The following GNA12 variants were observed in gnomAD, a reference collection of about 807,000 sequenced individuals.
GNA12 encodes the protein guanine nucleotide-binding protein subunit alpha-12.
A neutral mutation model predicts 26.0 loss-of-function variants in GNA12; 9 were observed. The observed-to-expected ratio is 0.35, with a 90% CI of 0.21 to 0.60. The LOEUF (loss-of-function observed/expected upper bound fraction) is 0.60, where lower values mean the gene tolerates loss of function less well. Ranked by LOEUF, GNA12 falls within the 20% of genes least tolerant of loss-of-function variation. The pLI, the probability that GNA12 is intolerant of heterozygous loss-of-function variation, is 0.78. For missense variants in GNA12, 405 were observed against 525.8 expected, an observed-to-expected ratio of 0.77 and a Z score of 2.25; for synonymous variants, 264 against 219.6, an observed-to-expected ratio of 1.20 and a Z score of -1.79.
At position 2,794,918 on chromosome 7, in the gene GNA12, A is replaced by G. The variant is rs749133463; in HGVS notation, c.525+10T>C. On this transcript the variant is annotated intron_variant, in intron 2 of 3. Coordinates refer to ENST00000275364, the MANE Select transcript of GNA12 (RefSeq NM_007353.3). ...TATCAGGTGCCCAGCAAGAAGGCCT[A>G]CTCACTCACCAGCTGAAACTCGCTT... 3.8e-6 allele frequency: 6 copies of G among 1,593,978 alleles called. No individual in the cohort carries two copies. The highest frequency in any genetic ancestry group is 1.3e-5 in the African/African-American group (1 of 74,442).
intron 2 of GNA12, among the ~76,000 whole-genome samples, chr7:2,767,082 G>T (rs1791825395): frequency 6.6e-6 from 1 of 152,144 alleles, no homozygotes; most frequent in Non-Finnish European, 1.5e-5. Context: ...TTTTAATTGG[G>T]TTATTTAACT....
chr7:2,731,339 A>G lies in GNA12; in HGVS notation c.988T>C (p.Tyr330His), dbSNP rs45583847. The part of the protein sequence containing the change: ...DPHRLEDVQR[Y>H]LVQCFDRKRR... Reference sequence around the variant, plus strand: ...TTCCTGTCGAAGCACTGGACCAGGTAGCGCTGGACGTCCTCCAGCCTGTGC... The same window carrying G: ...TTCCTGTCGAAGCACTGGACCAGGTGGCGCTGGACGTCCTCCAGCCTGTGC... Residue 330 changes from tyrosine (Y) to histidine (H), a missense_variant, in exon 4 of 4, where the codon TAC becomes CAC. Coordinates refer to ENST00000275364, the MANE Select transcript of GNA12 (RefSeq NM_007353.3). This position sits in a 1 kb window ranked among gnomAD's most constrained non-coding sequence, Gnocchi z 6.0. 3.7e-6 allele frequency: 6 copies of G among 1,613,708 alleles called. No homozygotes were observed. The highest frequency in any genetic ancestry group is 5.1e-6 in the Non-Finnish European group (6 of 1,179,932).
intron 2 of GNA12, chr7:2,762,777 C>A (rs967918059): frequency 6.5e-7 from 1 of 1,546,200 alleles, no homozygotes. Context: ...TCCACCCAGG[C>A]TGTACAAAAG....
At chr7:2,781,642 A>C (rs1001305758) in intron 2 of GNA12, among the ~76,000 whole-genome samples, 15 of 152,144 alleles carry the variant, frequency 9.9e-5, no homozygotes, top group Admixed American at 7.2e-4. Flanking sequence ...AAAGACATGT[A>C]GCTGTCTTTA....
intron 2 of GNA12, among the ~76,000 whole-genome samples, chr7:2,744,153 G>C (rs1410928078): frequency 6.6e-6 from 1 of 152,240 alleles, no homozygotes; most frequent in Non-Finnish European, 1.5e-5. Flanking sequence ...GTCCCCGTCT[G>C]ACAGCTTTGA....
intron 2 of GNA12, among the ~76,000 whole-genome samples, chr7:2,747,044 A>G (rs551050297): frequency 6.6e-6 from 1 of 152,352 alleles, no homozygotes; most frequent in South Asian, 2.1e-4. Context: ...ACCAACCAAA[A>G]AAAGTCCAGG....
intron 1 of GNA12, among the ~76,000 whole-genome samples, chr7:2,805,885 G>A (rs895392593): frequency 2.0e-5 from 3 of 152,140 alleles, no homozygotes; most frequent in African/African-American, 7.2e-5. Context: ...TCCCAGCCAC[G>A]AGGGCCACCG....
intron 2 of GNA12, among the ~76,000 whole-genome samples, chr7:2,783,272 C>A (rs989674258): frequency 6.6e-6 from 1 of 152,206 alleles, no homozygotes; most frequent in Non-Finnish European, 1.5e-5. Flanking sequence ...GGTATGTTAT[C>A]TGTTTGGTGT....
At chr7:2,752,015 T>C (rs1198750438) in intron 2 of GNA12, among the ~76,000 whole-genome samples, 1 of 152,136 alleles carries the variant, frequency 6.6e-6, no homozygotes, top group Non-Finnish European at 1.5e-5. Context: ...GCCAGCATCA[T>C]CCTGGTACCC....
At chr7:2,828,699 G>C (rs1323999677) in intron 1 of GNA12, among the ~76,000 whole-genome samples, 1 of 152,176 alleles carries the variant, frequency 6.6e-6, no homozygotes, top group Non-Finnish European at 1.5e-5. Context: ...TTAGCAGGTG[G>C]TCAAAGAAAT....
chr7:2,810,849 GA>G (rs1371433782), intron 1 of GNA12, among the ~76,000 whole-genome samples: 1 of 152,094 alleles, frequency 6.6e-6, no homozygotes, highest in Non-Finnish European at 1.5e-5. Flanking sequence ...CGTGAGCCAT[GA>G]TTACGCCATT....
intron 2 of GNA12, among the ~76,000 whole-genome samples, chr7:2,785,773 ACAATGGCTC>A (rs1425048892): frequency 6.6e-6 from 1 of 152,234 alleles, no homozygotes; most frequent in Non-Finnish European, 1.5e-5. Flanking sequence ...ATAAAAAGGT[ACAATGGCTC>A]ATGCCTGTAA....
At chr7:2,810,752 T>TA (rs764678692) in intron 1 of GNA12, among the ~76,000 whole-genome samples, 3 of 151,896 alleles carry the variant, frequency 2.0e-5, no homozygotes, top group Non-Finnish European at 4.4e-5. Flanking sequence ...ATTAGGTGGG[T>TA]ATGAGCATGG....
At chr7:2,794,534 G>A (rs184282273) in intron 2 of GNA12, among the ~76,000 whole-genome samples, 2 of 152,242 alleles carry the variant, frequency 1.3e-5, no homozygotes, top group African/African-American at 2.4e-5. Context: ...ATTTGCTTCC[G>A]AGGCGCTGAT....
chr7:2,830,745 G>A (rs183102602), intron 1 of GNA12, among the ~76,000 whole-genome samples: 1 of 152,148 alleles, frequency 6.6e-6, no homozygotes, highest in Non-Finnish European at 1.5e-5. Flanking sequence ...TTACTCGGAG[G>A]ATCAAAGACA....
intron 1 of GNA12, among the ~76,000 whole-genome samples, chr7:2,819,026 G>C (rs1793287293): frequency 6.6e-6 from 1 of 152,182 alleles, no homozygotes; most frequent in South Asian, 2.1e-4. Context: ...AATCAGCTGA[G>C]CTTAAAATAG....
chr7:2,772,801 G>C (rs1162897266), intron 2 of GNA12, among the ~76,000 whole-genome samples: 4 of 152,120 alleles, frequency 2.6e-5, no homozygotes, highest in Non-Finnish European at 4.4e-5. Context: ...ATTTCCAAGA[G>C]AAATCAGTGC....
chr7:2,774,727 C>T (rs900244462), intron 2 of GNA12, among the ~76,000 whole-genome samples: 3 of 152,206 alleles, frequency 2.0e-5, no homozygotes, highest in African/African-American at 7.2e-5. Context: ...TTTTATATAA[C>T]TTCTTTCAAA....
chr7:2,756,248 T>G (rs798498), intron 2 of GNA12, among the ~76,000 whole-genome samples: 42,960 of 151,960 alleles, frequency 0.28, 6,306 homozygotes, highest in Admixed American at 0.3. Flanking sequence ...GATCTGCACA[T>G]AACTTAAAAA....
Sources: allele counts gnomAD v4.1 joint callset (sites outside exome capture counted in the v4.1 genomes callset), GRCh38; gene constraint gnomAD v4.1.1; non-coding constraint Gnocchi (gnomAD v3.1); transcripts MANE v1.5; gene names NCBI Gene and HGNC (gene_info 2026-07-23, HGNC 2026-07-21).